CPAP: variants seen among roughly 807,000 people sequenced by gnomAD.
The protein encoded by CPAP is centrosome assembly and centriole elongation protein, also known as centrosomal P4.1-associated protein.
At chr13:24,922,234 G>A in the CPAP span, among the ~76,000 whole-genome samples, 7 of 152,194 alleles carry the variant, frequency 4.6e-5, no homozygotes, top group African/African-American at 9.7e-5. Flanking sequence ...TGCACGGTGA[G>A]GGAGGAGAGT....
the CPAP span, chr13:24,912,554 A>C: frequency 6.3e-7 from 1 of 1,580,116 alleles, no homozygotes; most frequent in South Asian, 1.1e-5. Flanking sequence ...AATGACATAA[A>C]TTCACAGTAG....
the CPAP span, among the ~76,000 whole-genome samples, chr13:24,930,862 G>C: frequency 6.6e-6 from 1 of 152,194 alleles, no homozygotes; most frequent in East Asian, 1.9e-4. Context: ...TGGCAGTTCT[G>C]TTTTCAGCTC....
the CPAP span, among the ~76,000 whole-genome samples, chr13:24,924,135 ATTTTTC>A: frequency 6.6e-6 from 1 of 152,084 alleles, no homozygotes; most frequent in East Asian, 1.9e-4. Context: ...GCCCGGCCCA[ATTTTTC>A]TTTTTAATTT....
the CPAP span, among the ~76,000 whole-genome samples, chr13:24,886,611 C>T: frequency 2.0e-5 from 3 of 152,120 alleles, no homozygotes. Context: ...AGATGGCAGA[C>T]AAGGCTCTGG....
chr13:24,917,202 C>A, the CPAP span, among the ~76,000 whole-genome samples: 3 of 152,020 alleles, frequency 2.0e-5, no homozygotes, highest in African/African-American at 7.2e-5. Flanking sequence ...TGCAGTGAGC[C>A]GAGATCGCGC....
the CPAP span, among the ~76,000 whole-genome samples, chr13:24,932,220 G>C: frequency 6.6e-6 from 1 of 152,218 alleles, no homozygotes; most frequent in African/African-American, 2.4e-5. Flanking sequence ...CCAAAGGGCA[G>C]CTTTCTTTGA....
chr13:24,927,110 G>T, the CPAP span, among the ~76,000 whole-genome samples: 29 of 152,296 alleles, frequency 1.9e-4, no homozygotes, highest in South Asian at 6.0e-3. Context: ...GCCCTCTAAA[G>T]TCACGATTTG....
At chr13:24,932,962 T>C in the CPAP span, 15 of 1,364,146 alleles carry the variant, frequency 1.1e-5, no homozygotes, top group Admixed American at 5.1e-5. Flanking sequence ...CACTGTCATA[T>C]TGACTTAAGA....
At chr13:24,890,934 A>G in the CPAP span, among the ~76,000 whole-genome samples, 1 of 152,034 alleles carries the variant, frequency 6.6e-6, no homozygotes, top group Admixed American at 6.5e-5. Flanking sequence ...GAGTCAGTCC[A>G]ACCAATATAC....
the CPAP span, among the ~76,000 whole-genome samples, chr13:24,923,253 T>C: frequency 6.6e-6 from 1 of 151,892 alleles, no homozygotes; most frequent in Non-Finnish European, 1.5e-5. Flanking sequence ...TGTTTTTTTT[T>C]TTTCTATTTG....
the CPAP span, among the ~76,000 whole-genome samples, chr13:24,916,571 T>C: frequency 6.6e-6 from 1 of 152,188 alleles, no homozygotes; most frequent in African/African-American, 2.4e-5. Flanking sequence ...ACAGAAACTC[T>C]TTTTTGCTTT....
At chr13:24,903,804 T>G in the CPAP span, 1 of 1,120,758 alleles carries the variant, frequency 8.9e-7, no homozygotes, top group Non-Finnish European at 1.4e-6. Flanking sequence ...GATACAGATT[T>G]CACCTCCTTT....
the CPAP span, among the ~76,000 whole-genome samples, chr13:24,913,884 T>C: frequency 1.3e-5 from 2 of 152,370 alleles, no homozygotes; most frequent in South Asian, 2.1e-4. Flanking sequence ...CACTGTGTGA[T>C]AGATATACTT....
the CPAP span, among the ~76,000 whole-genome samples, chr13:24,897,220 CCA>C: frequency 6.6e-6 from 1 of 152,030 alleles, no homozygotes; most frequent in South Asian, 2.1e-4. Flanking sequence ...CCAGTCTGGG[CCA>C]CAGAGTGTGT....
the CPAP span, chr13:24,884,084 CT>C: frequency 6.3e-7 from 1 of 1,575,026 alleles, no homozygotes; most frequent in Non-Finnish European, 8.6e-7. Flanking sequence ...TAATGTTTTT[CT>C]GTTTAAAAAG....
chr13:24,894,452 A>G, the CPAP span, among the ~76,000 whole-genome samples: 2 of 152,194 alleles, frequency 1.3e-5, no homozygotes, highest in African/African-American at 2.4e-5. Flanking sequence ...GACGGCCGCG[A>G]TGAGGCCTGG....
At chr13:24,893,695 C>T in the CPAP span, among the ~76,000 whole-genome samples, 1 of 152,180 alleles carries the variant, frequency 6.6e-6, no homozygotes, top group East Asian at 1.9e-4. Flanking sequence ...ATTTGTGAGA[C>T]GGATTATGAC....
chr13:24,933,136 G>A, the CPAP span: 171 of 1,565,168 alleles, frequency 1.1e-4, no homozygotes, highest in Middle Eastern at 4.5e-4. Context: ...AAATCCTCAG[G>A]TATTTCCAAA....
the CPAP span, among the ~76,000 whole-genome samples, chr13:24,892,129 T>C: frequency 6.6e-6 from 1 of 152,212 alleles, no homozygotes; most frequent in Non-Finnish European, 1.5e-5. Flanking sequence ...TTTATTGCTG[T>C]ACCCCAAGCA....
Sources: gnomAD v4.1 joint callset for allele counts (sites outside exome capture counted in the v4.1 genomes callset) on GRCh38, gnomAD v4.1.1 for gene constraint, MANE v1.5 for transcripts, NCBI Gene and HGNC (gene_info 2026-07-23, HGNC 2026-07-21) for gene names.